The following SRGAP1 variants were observed in gnomAD, a reference collection of about 807,000 sequenced individuals.
SRGAP1 encodes SLIT-ROBO Rho GTPase-activating protein 1.
In SRGAP1, 43 loss-of-function variants were observed where a neutral mutation model predicts 121.9. The ratio of observed to expected loss-of-function variants is 0.35; its 90% CI spans 0.28 to 0.46. The LOEUF is 0.46. SRGAP1 is among the 20% of genes least tolerant of loss of function. SRGAP1 has a pLI of 1.00. For synonymous variants in SRGAP1, 447 were observed against 485.4 expected, an observed-to-expected ratio of 0.92 and a Z score of 1.04; for missense variants, 1,102 against 1,350.9, an observed-to-expected ratio of 0.82 and a Z score of 2.89.
At position 64,010,771 on chromosome 12, in the gene SRGAP1, A is replaced by T. The variant is rs576019046; in HGVS notation, c.427-6179A>T. Among the ~76,000 whole-genome samples, 8 of 152,124 alleles carry T rather than the reference A, an allele frequency of 5.3e-5. No homozygotes were observed. The South Asian group carries it at 1.7e-3, about 32-fold the overall frequency. ...AACCCTGTGACAGAGATAATTAGCA[A>T]TTCTTTTTTGTCAGTGGAAAAACTG... On this transcript the variant is annotated intron_variant, in intron 3 of 21. Coordinates refer to ENST00000355086, the MANE Select transcript of SRGAP1 (RefSeq NM_020762.4).
intron 1 of SRGAP1, among the ~76,000 whole-genome samples, chr12:63,894,358 C>T (rs930467232): frequency 2.0e-5 from 3 of 152,150 alleles, no homozygotes; most frequent in East Asian, 1.9e-4. Context: ...CACTCTCCCC[C>T]TCCTAGCAAC....
chr12:64,066,843 G>A (rs367848428), intron 8 of SRGAP1, among the ~76,000 whole-genome samples: 1 of 152,116 alleles, frequency 6.6e-6, no homozygotes, highest in Non-Finnish European at 1.5e-5. Flanking sequence ...CAGTTTACTG[G>A]ATCCTATTCT....
rs562449767 is a variant in SRGAP1 at position 64,116,011 on chromosome 12, T to C, written c.2224+118T>C. 2.1e-4 allele frequency: 191 copies of C among 913,830 alleles called. No individual in the cohort carries two copies. The African/African-American group carries it at 2.6e-3, about 12-fold the overall frequency. The allele number at this position is 913,830 out of a possible 1,614,324, so 56.6% of individuals were successfully genotyped here. A position where few individuals can be genotyped will look rare whatever the true frequency, so the allele number is the denominator to read the frequency against. On this transcript the variant is annotated intron_variant, in intron 18 of 21. Coordinates refer to ENST00000355086, the MANE Select transcript of SRGAP1 (RefSeq NM_020762.4). ...GGCTCCTACCTATAATCCCAGCACG[T>C]TGGGAAGCCAAGGTTGGAGGATCAC...
intron 1 of SRGAP1, among the ~76,000 whole-genome samples, chr12:63,875,781 G>A (rs534739077): frequency 6.6e-6 from 1 of 152,282 alleles, no homozygotes; most frequent in Non-Finnish European, 1.5e-5. Flanking sequence ...TTGATTGCAA[G>A]TTTAGAGAGG....
At chr12:64,006,084 G>T (rs2034073428) in intron 3 of SRGAP1, among the ~76,000 whole-genome samples, 2 of 152,154 alleles carry the variant, frequency 1.3e-5, no homozygotes, top group Admixed American at 1.3e-4. Context: ...GACCATGAGA[G>T]CACAAAGGAT....
At chr12:64,011,966 G>A (rs1344823864) in intron 3 of SRGAP1, among the ~76,000 whole-genome samples, 1 of 152,088 alleles carries the variant, frequency 6.6e-6, no homozygotes, top group Non-Finnish European at 1.5e-5. Context: ...TGGGCATGGT[G>A]GTGTGTGCCT....
Position 63,897,395 on chromosome 12 carries a change from A to G in SRGAP1, c.67+52512A>G, listed in dbSNP as rs149995720. ...AACTAGAGCAATGCTTATGAGAATA[A>G]TGTTTGGACATGTCAGCTGTACTTT... On this transcript the variant is annotated intron_variant, in intron 1 of 21. Transcript: ENST00000355086. Among the ~76,000 whole-genome samples the G allele has an allele frequency of 3.7e-3, 567 of 152,326 alleles. 1 individual carries two copies. The highest frequency in any genetic ancestry group is 0.012 in the African/African-American group (508 of 41,578).
chr12:63,936,908 A>C (rs556859211), intron 1 of SRGAP1, among the ~76,000 whole-genome samples: 8 of 152,340 alleles, frequency 5.3e-5, no homozygotes, highest in African/African-American at 1.9e-4. Flanking sequence ...CTAAGGACCC[A>C]AATCCAAATT....
intron 1 of SRGAP1, among the ~76,000 whole-genome samples, chr12:63,866,719 T>C (rs181381648): frequency 8.2e-4 from 124 of 151,964 alleles, no homozygotes; most frequent in African/African-American, 2.9e-3. Context: ...ATAGTTAATA[T>C]AGACTTTTTT....
chr12:63,989,360 A>T (rs929663137), intron 2 of SRGAP1, among the ~76,000 whole-genome samples: 1 of 152,194 alleles, frequency 6.6e-6, no homozygotes, highest in African/African-American at 2.4e-5. Context: ...GAGACAATGC[A>T]ATAAAGTTCT....
chr12:64,123,541 A>G (rs2136632616), intron 18 of SRGAP1, among the ~76,000 whole-genome samples: 1 of 152,330 alleles, frequency 6.6e-6, no homozygotes, highest in South Asian at 2.1e-4. Context: ...AGACACATAG[A>G]TGTTTAATAA....
In SRGAP1 at chr12:64,147,160, G is replaced by A. The variant is rs929406488; in HGVS notation, c.*4488G>A. ...GACTGCTGTTTACCTACGTACTGAA[G>A]GGTAACTGCTGCCCGCGTAATTAAA... is the stretch of plus-strand genomic sequence containing the variant. On this transcript the variant is annotated 3_prime_UTR_variant, in exon 22 of 22. Coordinates refer to ENST00000355086, the MANE Select transcript of SRGAP1 (RefSeq NM_020762.4). 1 of 230,764 alleles carries A rather than the reference G, an allele frequency of 4.3e-6. No homozygotes were observed. The highest frequency in any genetic ancestry group is 8.4e-6 in the Non-Finnish European group (1 of 119,596). The allele number at this position is 230,764 out of a possible 1,614,324, so 14.3% of individuals were successfully genotyped here. A position where few individuals can be genotyped will look rare whatever the true frequency, so the allele number is the denominator to read the frequency against.
intron 8 of SRGAP1, among the ~76,000 whole-genome samples, chr12:64,077,818 AAG>A (rs778376237): frequency 7.9e-5 from 12 of 152,330 alleles, no homozygotes; most frequent in African/African-American, 1.2e-4. Flanking sequence ...ACACTATTGA[AAG>A]AGGGAAAAAC....
chr12:64,118,250 C>T (rs752497786), intron 18 of SRGAP1, among the ~76,000 whole-genome samples: 3 of 152,134 alleles, frequency 2.0e-5, no homozygotes, highest in Non-Finnish European at 2.9e-5. Flanking sequence ...TCCTTGGCAA[C>T]GCTTATCTTT....
intron 1 of SRGAP1, among the ~76,000 whole-genome samples, chr12:63,969,748 T>C (rs1156575742): frequency 6.6e-6 from 1 of 151,566 alleles, no homozygotes; most frequent in Non-Finnish European, 1.5e-5. Context: ...GAACCGAGAT[T>C]GTGCCACTGC....
chr12:64,035,088 A>C (rs561580558), intron 4 of SRGAP1, among the ~76,000 whole-genome samples: 1 of 151,506 alleles, frequency 6.6e-6, no homozygotes, highest in South Asian at 2.1e-4. Context: ...TTCTGGTTTC[A>C]CTTGCAGGCC....
intron 1 of SRGAP1, among the ~76,000 whole-genome samples, chr12:63,938,908 A>G (rs1260727256): frequency 6.6e-6 from 1 of 151,902 alleles, no homozygotes; most frequent in Non-Finnish European, 1.5e-5. Flanking sequence ...TAATCACAGC[A>G]TTTCAAGAGG....
chr12:64,095,162 T>C lies in SRGAP1; in HGVS notation c.1636T>C (p.Ser546Pro). 1 of 1,614,126 alleles carries C rather than the reference T, an allele frequency of 6.2e-7. No individual in the cohort carries two copies. The highest frequency in any genetic ancestry group is 1.3e-5 in the African/African-American group (1 of 75,032). The part of the protein sequence containing the change: ...QHQGIFRVSG[S>P]QVEVNDIKNS... Reference sequence around the variant, plus strand: ...TCAGGGGATTTTCAGAGTGTCTGGTTCCCAGGTGGAAGTCAATGATATTAA... The same window carrying C: ...TCAGGGGATTTTCAGAGTGTCTGGTCCCCAGGTGGAAGTCAATGATATTAA... Residue 546 changes from serine to proline, a missense_variant, in exon 14 of 22, where the codon TCC becomes CCC. Coordinates refer to ENST00000355086, the MANE Select transcript of SRGAP1 (RefSeq NM_020762.4).
chr12:63,939,318 C>T (rs1039494932), intron 1 of SRGAP1, among the ~76,000 whole-genome samples: 4 of 151,998 alleles, frequency 2.6e-5, no homozygotes, highest in African/African-American at 9.7e-5. Context: ...ACTCAACCTC[C>T]CTCCTCAGCA....
Sources: gnomAD v4.1 joint callset for allele counts (sites outside exome capture counted in the v4.1 genomes callset) on GRCh38, gnomAD v4.1.1 for gene constraint, MANE v1.5 for transcripts, NCBI Gene and HGNC (gene_info 2026-07-23, HGNC 2026-07-21) for gene names.